The following ALK variants were observed in gnomAD, a reference collection of about 807,000 sequenced individuals.
The protein encoded by ALK is ALK tyrosine kinase receptor.
ALK carries 74 observed loss-of-function variants against 163.1 expected under a neutral mutation model. That is an observed-to-expected ratio of 0.45 (90% CI 0.38 to 0.55). The LOEUF (loss-of-function observed/expected upper bound fraction) is 0.55. ALK is among the 20% of genes least tolerant of loss of function. The pLI is 0.00. For missense variants in ALK, 2,063 were observed against 2,105.3 expected (o/e 0.98, Z 0.39); for synonymous variants, 960 against 843.2 (o/e 1.14, Z -2.40).
At chr2:29,413,641 C>G (rs1373201134) in intron 4 of ALK, among the ~76,000 whole-genome samples, 1 of 152,120 alleles carries the variant, frequency 6.6e-6, no homozygotes, top group Non-Finnish European at 1.5e-5. Flanking sequence ...AAGCAAGTCT[C>G]CTGCCTCAGC....
At chr2:29,842,352 C>T (rs775625822) in intron 1 of ALK, among the ~76,000 whole-genome samples, 1 of 152,164 alleles carries the variant, frequency 6.6e-6, no homozygotes, top group Non-Finnish European at 1.5e-5. Context: ...AAAGCCCCAC[C>T]GTCACACTTC....
chr2:29,251,089 C>T lies in ALK; in HGVS notation c.2204+16G>A, dbSNP rs1415702289. ...AGGGGTGGTCTGCCCCTCCCCTCCC[C>T]CTCTTCCATACGCACCTGTAGGTGT... On this transcript the variant is annotated intron_variant, in intron 12 of 28. Coordinates refer to ENST00000389048, the MANE Select transcript of ALK (RefSeq NM_004304.5). The T allele has an allele frequency of 1.2e-6, 2 of 1,613,194 alleles. No individual in the cohort carries two copies. Among genetic ancestry groups the T allele is most frequent in the Admixed American group, 3.3e-5 (2 of 59,952 alleles).
intron 5 of ALK, among the ~76,000 whole-genome samples, chr2:29,330,144 C>T (rs1443992001): frequency 6.6e-6 from 1 of 152,196 alleles, no homozygotes; most frequent in Non-Finnish European, 1.5e-5. Flanking sequence ...CAGATCCCAC[C>T]TCCTTCCAGG....
At position 29,735,781 on chromosome 2, in the gene ALK, A is replaced by T. The variant is rs2148320895; in HGVS notation, c.668-18084T>A. ...CTCGGCATTTCTTTCTCCAGCTGCC[A>T]TGTGAATAAGGACATATTTGCTTCA... On this transcript the variant is annotated intron_variant, in intron 1 of 28. Transcript: ENST00000389048. 2.6e-5 allele frequency among the ~76,000 whole-genome samples: 4 copies of T among 152,130 alleles called. No homozygotes were observed. The South Asian group carries it at 8.3e-4, about 32-fold the overall frequency.
chr2:29,275,470 C>T lies in ALK; in HGVS notation c.1844G>A (p.Trp615Ter). The part of the protein sequence containing the change: ...DRFWLQMVAW[W>*]GQGSRAIVAF... The stretch of plus-strand genomic sequence containing the variant: ...CACGATGGCTCTGGATCCTTGTCCC[C>T]ACCATGCGACCATCTGCAGCCAGAA... The change falls in exon 10 of 29, where the codon TGG becomes TAG. Residue 615 changes from tryptophan (W) to a stop codon, truncating the protein, a stop_gained. Transcript: ENST00000389048. LOFTEE classifies it high-confidence loss of function. The T allele has an allele frequency of 6.2e-7, 1 of 1,614,140 alleles. No individual in the cohort carries two copies. Among genetic ancestry groups the T allele is most frequent in the Non-Finnish European group, 8.5e-7 (1 of 1,180,028 alleles).
At chr2:29,732,858 G>A (rs1679783676) in intron 1 of ALK, among the ~76,000 whole-genome samples, 1 of 151,538 alleles carries the variant, frequency 6.6e-6, no homozygotes, top group Non-Finnish European at 1.5e-5. Flanking sequence ...CTAGGACTGT[G>A]AACAATAAAC....
At chr2:29,471,451 G>A (rs1443393864) in intron 4 of ALK, among the ~76,000 whole-genome samples, 1 of 152,148 alleles carries the variant, frequency 6.6e-6, no homozygotes, top group East Asian at 1.9e-4. Context: ...AAAAAGTTGA[G>A]CTTATTCCAG....
chr2:29,463,138 A>C (rs111991743), intron 4 of ALK, among the ~76,000 whole-genome samples: 1 of 152,296 alleles, frequency 6.6e-6, no homozygotes, highest in African/African-American at 2.4e-5. Flanking sequence ...AAAAACATGT[A>C]ATGAAGGATA....
At chr2:29,375,175 C>A (rs751496533) in intron 5 of ALK, among the ~76,000 whole-genome samples, 3 of 152,138 alleles carry the variant, frequency 2.0e-5, no homozygotes, top group African/African-American at 4.8e-5. Context: ...AAGCTTCAGG[C>A]GAGGTGAGGC....
intron 11 of ALK, among the ~76,000 whole-genome samples, chr2:29,253,902 A>G (rs1428064586): frequency 6.6e-6 from 1 of 152,016 alleles, no homozygotes. Flanking sequence ...ATAGGTAGAT[A>G]GCTGTGGTTT....
chr2:29,722,123 T>C lies in ALK; in HGVS notation c.668-4426A>G, dbSNP rs143547276. ...AGTCTTTGGTTGCCTCCTGCTTCAGTGGGAAGATCCTCTTTATTCTTCTTT... is the reference window on the plus strand; with the variant it reads ...AGTCTTTGGTTGCCTCCTGCTTCAGCGGGAAGATCCTCTTTATTCTTCTTT... On this transcript the variant is annotated intron_variant, in intron 1 of 28. Transcript: ENST00000389048. Among the ~76,000 whole-genome samples, 504 of 152,370 alleles carry C rather than the reference T, an allele frequency of 3.3e-3. 1 individual carries two copies. Among genetic ancestry groups the C allele is most frequent in the African/African-American group, 0.011 (476 of 41,586 alleles).
At chr2:29,243,227 G>T (rs1036787828) in intron 12 of ALK, among the ~76,000 whole-genome samples, 1 of 152,190 alleles carries the variant, frequency 6.6e-6, no homozygotes, top group African/African-American at 2.4e-5. Context: ...GCACTCGACT[G>T]ACCCCAAGAA....
At chr2:29,325,135 C>T (rs1667213829) in intron 6 of ALK, among the ~76,000 whole-genome samples, 1 of 152,056 alleles carries the variant, frequency 6.6e-6, no homozygotes, top group Non-Finnish European at 1.5e-5. Context: ...TTCCAAATTC[C>T]AACCATGGCA....
chr2:29,638,048 T>A (rs1676592899), intron 3 of ALK, among the ~76,000 whole-genome samples: 2 of 152,212 alleles, frequency 1.3e-5, no homozygotes, highest in Non-Finnish European at 2.9e-5. Flanking sequence ...CAGAGCTTTT[T>A]AGAGGGCTGT....
intron 3 of ALK, among the ~76,000 whole-genome samples, chr2:29,660,897 G>A (rs1307489715): frequency 1.3e-5 from 2 of 152,070 alleles, no homozygotes; most frequent in Non-Finnish European, 2.9e-5. Context: ...AGCCATAAAG[G>A]CATAGAAGAA....
At chr2:29,512,673 A>G (rs1247533229) in intron 4 of ALK, among the ~76,000 whole-genome samples, 1 of 150,352 alleles carries the variant, frequency 6.7e-6, no homozygotes, top group African/African-American at 2.5e-5. Flanking sequence ...GAAGGAAATA[A>G]AGGGTATTCA....
rs890600432 is a variant in ALK at position 29,617,555 on chromosome 2, G to A, written c.952+77295C>T. 4.2e-4 allele frequency among the ~76,000 whole-genome samples: 64 copies of A among 152,206 alleles called. 1 individual carries two copies. Among genetic ancestry groups the A allele is most frequent in the Non-Finnish European group, 4.1e-4 (28 of 68,034 alleles). ...TGAGCACCCAGTGCTGACAAAGACT[G>A]TCTCAGGCTCCTCTGAGCCTTCCTC... On this transcript the variant is annotated intron_variant, in intron 3 of 28. Transcript: ENST00000389048.
chr2:29,556,007 T>C (rs751602325), intron 3 of ALK, among the ~76,000 whole-genome samples: 11 of 152,156 alleles, frequency 7.2e-5, no homozygotes, highest in Non-Finnish European at 1.5e-4. Flanking sequence ...GATCCGAACA[T>C]TCAAGAGGCT....
At chr2:29,843,559 G>A (rs966469573) in intron 1 of ALK, among the ~76,000 whole-genome samples, 1 of 152,186 alleles carries the variant, frequency 6.6e-6, no homozygotes, top group African/African-American at 2.4e-5. Context: ...TGCAGCCTGA[G>A]GGTGGGCAGA....
Sources: gnomAD v4.1 joint callset for allele counts (sites outside exome capture counted in the v4.1 genomes callset) on GRCh38, gnomAD v4.1.1 for gene constraint, MANE v1.5 for transcripts, NCBI Gene and HGNC (gene_info 2026-07-23, HGNC 2026-07-21) for gene names.